The following GABRA3 variants were observed in gnomAD, a reference collection of about 807,000 sequenced individuals.
The protein encoded by GABRA3 is gamma-aminobutyric acid receptor subunit alpha-3.
A neutral mutation model predicts 30.1 loss-of-function variants in GABRA3; 10 were observed. That is an observed-to-expected ratio of 0.33 (90% confidence interval 0.20 to 0.56). GABRA3 has a LOEUF of 0.56. Among genes scored for constraint, GABRA3 ranks in the 20% least tolerant of loss-of-function variants. GABRA3 has a pLI of 0.89. For missense variants in GABRA3, 233 were observed against 392.0 expected (o/e 0.59, Z 3.42); for synonymous variants, 151 against 146.8 (o/e 1.03, Z -0.21).
At chrX:152,229,279 C>T (rs1324435114) in intron 5 of GABRA3, among the ~76,000 whole-genome samples, 1 of 111,232 alleles carries the variant, frequency 9.0e-6, no homozygotes. Context: ...CTGCTTTGCT[C>T]TTTATGCGAA....
At chrX:152,275,241 T>TAA (rs1939039229) in intron 4 of GABRA3, among the ~76,000 whole-genome samples, 1 of 44,762 alleles carries the variant, frequency 2.2e-5, no homozygotes, top group East Asian at 5.2e-4. Flanking sequence ...ATATATATTT[T>TAA]ATTATATATA....
intron 1 of GABRA3, among the ~76,000 whole-genome samples, chrX:152,378,673 G>A (rs962038354): frequency 9.0e-6 from 1 of 111,298 alleles, no homozygotes; most frequent in Non-Finnish European, 1.9e-5. Context: ...ATATATCGGC[G>A]ATTTTTTACA....
intron 6 of GABRA3, among the ~76,000 whole-genome samples, chrX:152,218,598 T>C (rs1491788): frequency 0.28 from 30,339 of 110,308 alleles, 3,596 homozygotes; most frequent in African/African-American, 0.44. Context: ...CTTATTTTTC[T>C]CTTCAGTTCT....
At chrX:152,386,975 T>G (rs1042251567) in intron 1 of GABRA3, among the ~76,000 whole-genome samples, 10 of 106,637 alleles carry the variant, frequency 9.4e-5, no homozygotes, top group African/African-American at 2.0e-4. Context: ...CCATAAAAAA[T>G]GATGAGTTCA....
chrX:152,421,115 AC>A (rs1930361717), intron 1 of GABRA3, among the ~76,000 whole-genome samples: 2 of 108,945 alleles, frequency 1.8e-5, no homozygotes, highest in Non-Finnish European at 3.8e-5. Context: ...ACACACACAC[AC>A]ACACACACAC....
intron 5 of GABRA3, among the ~76,000 whole-genome samples, chrX:152,238,389 T>C (rs1192752489): frequency 9.7e-6 from 1 of 103,252 alleles, no homozygotes; most frequent in Admixed American, 1.0e-4. Flanking sequence ...GCTGGATTCG[T>C]TTTGCCAGTA....
chrX:152,427,826 G>C (rs1003417706), intron 1 of GABRA3, among the ~76,000 whole-genome samples: 2 of 111,284 alleles, frequency 1.8e-5, no homozygotes, highest in African/African-American at 6.5e-5. Context: ...TCATGAAGTG[G>C]AATTTGAATT....
At chrX:152,204,538 C>G (rs139419004) in intron 7 of GABRA3, among the ~76,000 whole-genome samples, 1 of 110,303 alleles carries the variant, frequency 9.1e-6, no homozygotes, top group African/African-American at 3.3e-5. Flanking sequence ...GTCTGAGCCT[C>G]GATTTCCTTA....
intron 1 of GABRA3, among the ~76,000 whole-genome samples, chrX:152,380,685 G>T (rs952671392): frequency 8.9e-6 from 1 of 111,791 alleles, no homozygotes; most frequent in Admixed American, 9.5e-5. Flanking sequence ...TATCATTTTT[G>T]ATAATGTAAT....
chrX:152,239,245 T>C (rs1938301104), intron 5 of GABRA3, among the ~76,000 whole-genome samples: 1 of 104,111 alleles, frequency 9.6e-6, no homozygotes, highest in East Asian at 3.1e-4. Context: ...CTTCATTTCG[T>C]TATGTACCCA....
chrX:152,361,189 T>C (rs190767934), intron 2 of GABRA3, among the ~76,000 whole-genome samples: 51 of 109,213 alleles, frequency 4.7e-4, no homozygotes, highest in Admixed American at 8.9e-4. Context: ...CTTTTTCAGG[T>C]AGGATTTCTT....
intron 1 of GABRA3, among the ~76,000 whole-genome samples, chrX:152,410,615 A>G (rs1466527452): frequency 9.0e-6 from 1 of 111,624 alleles, no homozygotes; most frequent in Non-Finnish European, 1.9e-5. Flanking sequence ...TAAAAATTTT[A>G]ATTATTAAAA....
intron 5 of GABRA3, among the ~76,000 whole-genome samples, chrX:152,232,730 C>T (rs1270635663): frequency 9.2e-6 from 1 of 108,422 alleles, no homozygotes; most frequent in Non-Finnish European, 1.9e-5. Flanking sequence ...TTAATGTACA[C>T]TTAGGATGGT....
At chrX:152,236,763 T>C (rs1161822004) in intron 5 of GABRA3, among the ~76,000 whole-genome samples, 1 of 100,925 alleles carries the variant, frequency 9.9e-6, no homozygotes, top group Non-Finnish European at 2.0e-5. Flanking sequence ...GAGCATTTTT[T>C]CATGTGTTTT....
At chrX:152,197,869 C>T in intron 7 of GABRA3, 84 bp from the exon 8 acceptor site, 1 of 748,823 alleles carries the variant, frequency 1.3e-6, no homozygotes, top group Non-Finnish European at 2.0e-6. Flanking sequence ...TCACAAAGCT[C>T]TTTAATCTTA....
Position 152,168,582 on chromosome X carries a change from AG to A in GABRA3, c.1144-20del, listed in dbSNP as rs754539141. On this transcript the variant is annotated intron_variant, in intron 9 of 9. Coordinates refer to ENST00000370314, the MANE Select transcript of GABRA3 (RefSeq NM_000808.4). ...TTTTCTTCTAGAGGCCAGGAAAAAG[AG>A]GGGGGGAAAGGGAGAAAAAAGCAAA... 6 of 1,109,789 alleles carry A rather than the reference AG, an allele frequency of 5.4e-6. No individual in the cohort carries two copies. The African/African-American group carries it at 5.5e-5, about 10-fold the overall frequency. The allele number at this position is 1,109,789 out of a possible 1,213,427, so 91.5% of individuals were successfully genotyped here. A position where few individuals can be genotyped will look rare whatever the true frequency, so the allele number is the denominator to read the frequency against.
chrX:152,357,277 G>A (rs1211957530), intron 2 of GABRA3, among the ~76,000 whole-genome samples: 2 of 111,465 alleles, frequency 1.8e-5, no homozygotes, highest in Non-Finnish European at 3.8e-5. Context: ...TCTGCAACCT[G>A]ACCAGCAGCT....
chrX:152,282,075 T>C (rs1384550351), intron 4 of GABRA3, among the ~76,000 whole-genome samples: 3 of 112,214 alleles, frequency 2.7e-5, no homozygotes, highest in Non-Finnish European at 5.6e-5. Context: ...AGAAGCTGTG[T>C]CTGTAAGGGC....
At chrX:152,281,257 C>T (rs777192226) in intron 4 of GABRA3, among the ~76,000 whole-genome samples, 3 of 111,865 alleles carry the variant, frequency 2.7e-5, no homozygotes, top group Non-Finnish European at 3.8e-5. Context: ...CCACCCTCTT[C>T]CTATACATCT....
Sources: gnomAD v4.1 joint callset for allele counts (sites outside exome capture counted in the v4.1 genomes callset) on GRCh38, gnomAD v4.1.1 for gene constraint, MANE v1.5 for transcripts, NCBI Gene and HGNC (gene_info 2026-07-23, HGNC 2026-07-21) for gene names.